NIN: variants seen among roughly 807,000 people sequenced by gnomAD.
NIN encodes ninein, also known as glycogen synthase kinase 3 beta-interacting protein.
In NIN, 137 loss-of-function variants were observed where a neutral mutation model predicts 257.6. The ratio of observed to expected loss-of-function variants is 0.53; its 90% confidence interval spans 0.46 to 0.61. NIN has a LOEUF of 0.61. Ranked by LOEUF, NIN falls within the 20% of genes least tolerant of loss-of-function variation. The pLI is 0.00. For synonymous variants in NIN, 918 were observed against 919.8 expected, an observed-to-expected ratio of 1.00 and a Z score of 0.04; for missense variants, 2,439 against 2,501.2, an observed-to-expected ratio of 0.98 and a Z score of 0.53.
chr14:50,731,241 A>G (rs1369872488), intron 28 of NIN, among the ~76,000 whole-genome samples: 1 of 152,144 alleles, frequency 6.6e-6, no homozygotes, highest in Admixed American at 6.5e-5. Context: ...AGAAGATTCC[A>G]GGTCCAGGCC....
In NIN at chr14:50,756,909, A is replaced by T. The variant is rs754176772; in HGVS notation, c.4121T>A (p.Val1374Glu). Residue 1374 changes from valine (V) to glutamate (E), a missense_variant, in exon 18 of 31, where the codon GTG (valine) becomes GAG (glutamate). Physicochemically the swap from Val to Glu is moderately radical, Grantham distance 121. This residue lies in a region of NIN where 2,043 missense variants were observed against 2,050.2 expected (regional missense o/e 1.00). Coordinates refer to ENST00000530997, the MANE Select transcript of NIN (RefSeq NM_020921.4). Reference protein sequence around the residue: ...LQLNQTLEECVPRVRSVHHVI... With the variant: ...LQLNQTLEECEPRVRSVHHVI... ...ATGATGTACACTCCTAACCCTGGGC[A>T]CACACTCTTCCAGTGTCTGATTGAG... 4.5e-6 allele frequency: 7 copies of T among 1,560,774 alleles called. No individual in the cohort carries two copies. Among genetic ancestry groups the T allele is most frequent in the Non-Finnish European group, 6.1e-6 (7 of 1,151,132 alleles).
chr14:50,743,031 T>C (rs1016116487), intron 24 of NIN, among the ~76,000 whole-genome samples: 1 of 152,198 alleles, frequency 6.6e-6, no homozygotes, highest in African/African-American at 2.4e-5. Context: ...TAGCATGATC[T>C]TGGCTCACTG....
intron 5 of NIN, among the ~76,000 whole-genome samples, chr14:50,779,675 G>C (rs557299759): frequency 1.3e-5 from 2 of 151,872 alleles, no homozygotes; most frequent in South Asian, 4.2e-4. Flanking sequence ...GGAGAATGGC[G>C]TGAACCCGGG....
chr14:50,795,967 A>G (rs2142062361), intron 4 of NIN, among the ~76,000 whole-genome samples: 1 of 152,378 alleles, frequency 6.6e-6, no homozygotes, highest in South Asian at 2.1e-4. Context: ...CAACAGGGCA[A>G]GACTCCATCT....
chr14:50,805,573 G>A (rs1435181040), intron 4 of NIN, among the ~76,000 whole-genome samples: 2 of 152,174 alleles, frequency 1.3e-5, no homozygotes, highest in African/African-American at 2.4e-5. Context: ...AGGGCAGGAT[G>A]AAGAACTAGA....
chr14:50,747,024 G>C (rs753985452), intron 22 of NIN, among the ~76,000 whole-genome samples: 1 of 152,092 alleles, frequency 6.6e-6, no homozygotes, highest in Non-Finnish European at 1.5e-5. Context: ...ACTATGCCCA[G>C]CTAATTTTTT....
At chr14:50,727,744 A>G (rs2040481501) in intron 29 of NIN, 2 of 1,424,956 alleles carry the variant, frequency 1.4e-6, no homozygotes, top group African/African-American at 1.4e-5. Flanking sequence ...CTGCTCCGGT[A>G]GCAAGGCCTA....
intron 3 of NIN, among the ~76,000 whole-genome samples, chr14:50,813,774 G>C (rs1300004803): frequency 1.3e-5 from 2 of 152,204 alleles, no homozygotes; most frequent in East Asian, 1.9e-4. Context: ...ACTCAAACTA[G>C]CACTGAACAA....
At chr14:50,746,070 A>T (rs1021759689) in intron 22 of NIN, among the ~76,000 whole-genome samples, 1 of 150,956 alleles carries the variant, frequency 6.6e-6, no homozygotes, top group African/African-American at 2.4e-5. Flanking sequence ...AAACGTGCTG[A>T]ATGACATCCC....
intron 15 of NIN, among the ~76,000 whole-genome samples, chr14:50,763,494 A>C (rs2042352178): frequency 6.6e-6 from 1 of 152,194 alleles, no homozygotes; most frequent in African/African-American, 2.4e-5. Flanking sequence ...GCAATAGCTC[A>C]GTGTCTGAAT....
chr14:50,792,821 G>A lies in NIN; in HGVS notation c.326C>T (p.Ser109Phe), dbSNP rs747131045. ...VRGGKRYGRR[S>F]LPEFQESVEE... ...CACGGACTCTTGGAACTCGGGCAAG[G>A]ACCTTCGTCCGTAACGCTTCCCACC... Residue 109 changes from serine (S) to phenylalanine (F), a missense_variant, in exon 5 of 31, where the codon TCC becomes TTC. Transcript: ENST00000530997. 1.2e-6 allele frequency: 2 copies of A among 1,614,070 alleles called. No individual in the cohort carries two copies. The highest frequency in any genetic ancestry group is 1.3e-5 in the African/African-American group (1 of 74,916).
At chr14:50,727,829 T>G in intron 29 of NIN, 1 of 1,275,752 alleles carries the variant, frequency 7.8e-7, no homozygotes, top group Admixed American at 1.9e-5. Flanking sequence ...TTCACACATC[T>G]ACAATGCAAA....
chr14:50,762,462 C>T (rs1306935300), intron 15 of NIN, among the ~76,000 whole-genome samples: 4 of 152,086 alleles, frequency 2.6e-5, no homozygotes, highest in African/African-American at 9.7e-5. Context: ...GGTAGATCCC[C>T]ATTTTATCTT....
At chr14:50,751,526 T>G (rs2041789373) in intron 21 of NIN, among the ~76,000 whole-genome samples, 1 of 152,204 alleles carries the variant, frequency 6.6e-6, no homozygotes, top group South Asian at 2.1e-4. Context: ...TTTGAGTGAT[T>G]CTGAACATTT....
intron 5 of NIN, among the ~76,000 whole-genome samples, chr14:50,784,039 G>A (rs182094085): frequency 5.0e-4 from 76 of 152,318 alleles, no homozygotes; most frequent in African/African-American, 1.7e-3. Flanking sequence ...TGAAATATAC[G>A]TAACCTCTCA....
chr14:50,825,431 G>A (rs1398012139), intron 2 of NIN, among the ~76,000 whole-genome samples: 1 of 152,234 alleles, frequency 6.6e-6, no homozygotes, highest in African/African-American at 2.4e-5. Flanking sequence ...AAGCTGCACT[G>A]TAACTGGGAA....
At position 50,758,127 on chromosome 14, in the gene NIN, C is replaced by T. The variant is rs570588999; in HGVS notation, c.2903G>A (p.Arg968Gln). 27 of 1,614,172 alleles carry T rather than the reference C, an allele frequency of 1.7e-5. No homozygotes were observed. Among genetic ancestry groups the T allele is most frequent in the South Asian group, 2.2e-5 (2 of 91,082 alleles). ...AGASEQLASQRLERLEMEHDQ... is the reference protein window; with the variant it reads ...AGASEQLASQQLERLEMEHDQ... ...ATGTTCCATTTCTAGTCTTTCCAGC[C>T]GCTGGCTGGCCAGCTGCTCCGAAGC... Residue 968 changes from arginine (R) to glutamine (Q), a missense_variant, in exon 18 of 31, where the codon CGG becomes CAG. Around this residue, in one of 3 missense-constraint regions of NIN, gnomAD observed 2,043 missense variants for 2,050.2 expected, o/e 1.00. Coordinates refer to ENST00000530997, the MANE Select transcript of NIN (RefSeq NM_020921.4).
At chr14:50,781,116 C>T (rs975972830) in intron 5 of NIN, among the ~76,000 whole-genome samples, 1 of 152,150 alleles carries the variant, frequency 6.6e-6, no homozygotes, top group Non-Finnish European at 1.5e-5. Flanking sequence ...CATACTACTT[C>T]GGCATCCAAA....
Position 50,744,352 on chromosome 14 carries a change from G to T in NIN, c.5078C>A (p.Pro1693His), listed in dbSNP as rs1313362080. The T allele has an allele frequency of 6.2e-7, 1 of 1,613,784 alleles. No individual in the cohort carries two copies. The highest frequency in any genetic ancestry group is 8.5e-7 in the Non-Finnish European group (1 of 1,179,912). ...TTTTTGCTGGAAGTCAGAGAGATCGGGACATCTGTGCAGCTGTAAGAGATA... is the reference window on the plus strand; with the variant it reads ...TTTTTGCTGGAAGTCAGAGAGATCGTGACATCTGTGCAGCTGTAAGAGATA... ...LEKMKQLHRC[P>H]DLSDFQQKIS... The change falls in exon 23 of 31, where the codon CCC (proline) becomes CAC (histidine). Residue 1693 changes from proline to histidine, a missense_variant. Coordinates refer to ENST00000530997, the MANE Select transcript of NIN (RefSeq NM_020921.4).
Sources: allele counts gnomAD v4.1 joint callset (sites outside exome capture counted in the v4.1 genomes callset), GRCh38; gene constraint gnomAD v4.1.1; regional missense constraint gnomAD v4.1.1; transcripts MANE v1.5; gene names NCBI Gene and HGNC (gene_info 2026-07-23, HGNC 2026-07-21).